The following TAC1 variants were observed in gnomAD, a reference collection of about 807,000 sequenced individuals.
The protein encoded by TAC1 is protachykinin-1.
Under a neutral mutation model 21.7 loss-of-function variants are expected in TAC1, and 12 were observed. The ratio of observed to expected loss-of-function variants is 0.55; its 90% CI spans 0.35 to 0.89. The LOEUF (loss-of-function observed/expected upper bound fraction) is 0.89. Among genes scored for constraint, TAC1 ranks in the 40% least tolerant of loss-of-function variants. The pLI, the probability that TAC1 is intolerant of heterozygous loss-of-function variation, is 0.01. For missense variants in TAC1, 128 were observed against 151.4 expected (o/e 0.85, Z 0.81); for synonymous variants, 52 against 52.0 (o/e 1.00, Z 0.00).
In TAC1 at chr7:97,732,590, C is replaced by T. The variant is rs373923390; in HGVS notation, c.-9-14C>T. On this transcript the variant is annotated splice_polypyrimidine_tract_variant and intron_variant, in intron 1 of 6. Transcript: ENST00000319273. The surrounding 1 kb of genome is among the most constrained non-coding windows in gnomAD (Gnocchi z 6.2). ...TTTCTCTCTTTGGTGTCTTCTCCTCCTACCCCTTCCCAGAAATCCAACATG... is the reference window on the plus strand; with the variant it reads ...TTTCTCTCTTTGGTGTCTTCTCCTCTTACCCCTTCCCAGAAATCCAACATG... 1.9e-6 allele frequency: 3 copies of T among 1,614,016 alleles called. No homozygotes were observed. Among genetic ancestry groups the T allele is most frequent in the African/African-American group, 2.7e-5 (2 of 75,056 alleles).
chr7:97,733,993 G>C (rs925190295), intron 3 of TAC1, 174 bp downstream of exon 3: 49 of 716,130 alleles, frequency 6.8e-5, no homozygotes, highest in African/African-American at 3.6e-4. Flanking sequence ...GGGCCCGCGG[G>C]GGGAGGGAAA....
At position 97,734,240 on chromosome 7, in the gene TAC1, C is replaced by G; in HGVS notation, c.221-8C>G. 6.2e-7 allele frequency: 1 copy of G among 1,613,598 alleles called. No homozygotes were observed. Among genetic ancestry groups the G allele is most frequent in the Non-Finnish European group, 8.5e-7 (1 of 1,179,564 alleles). ...ACATGTAGTTAATGACAATTCGTCT[C>G]TTGTCAGATTCCTCAATTGAAAAAC... On this transcript the variant is annotated splice_polypyrimidine_tract_variant and splice_region_variant and intron_variant, in intron 3 of 6. Transcript: ENST00000319273.
Position 97,732,229 on chromosome 7 carries a change from C to G in TAC1, c.-10+34C>G. 6.1e-6 allele frequency: 1 copy of G among 162,780 alleles called. No homozygotes were observed. The highest frequency in any genetic ancestry group is 1.3e-5 in the Non-Finnish European group (1 of 74,632). 10.1% of individuals were successfully genotyped at this position (162,780 alleles called of 1,614,324 possible). A position where few individuals can be genotyped will look rare whatever the true frequency, so the allele number is the denominator to read the frequency against. ...CCGCGCGGTGCTGGCCGCGGCTGCC[C>G]GGGTCACCCCGCCCCGCATCTGTCC... On this transcript the variant is annotated intron_variant, in intron 1 of 6. Coordinates refer to ENST00000319273, the MANE Select transcript of TAC1 (RefSeq NM_003182.3). This position sits in a 1 kb window ranked among gnomAD's most constrained non-coding sequence, Gnocchi z 6.2.
chr7:97,738,671 T>G (rs1431243226), intron 6 of TAC1, among the ~76,000 whole-genome samples: 1 of 152,000 alleles, frequency 6.6e-6, no homozygotes, highest in African/African-American at 2.4e-5. Flanking sequence ...AGCTGGGTGT[T>G]TAAGACCAGT....
chr7:97,734,318 T>C, intron 4 of TAC1, 26 bp downstream of exon 4: 1 of 1,598,908 alleles, frequency 6.3e-7, no homozygotes, highest in Non-Finnish European at 8.6e-7. Context: ...AATCTTTATT[T>C]TACTATTGTG....
At chr7:97,734,017 T>A (rs1243555376) in intron 3 of TAC1, 198 bp downstream of exon 3, 3 of 684,496 alleles carry the variant, frequency 4.4e-6, no homozygotes, top group Non-Finnish European at 2.5e-6. Flanking sequence ...CTGGTTCGCA[T>A]GCCTCACTGT....
chr7:97,733,899 C>G (rs1045745840), intron 3 of TAC1, 80 bp downstream of exon 3: 2 of 1,369,616 alleles, frequency 1.5e-6, no homozygotes, highest in Non-Finnish European at 2.1e-6. Context: ...CCCAGGGTCT[C>G]TCGCTCTGAA....
intron 4 of TAC1, 43 bp downstream of exon 4, chr7:97,734,335 C>A: frequency 6.5e-7 from 1 of 1,548,826 alleles, no homozygotes; most frequent in Non-Finnish European, 8.9e-7. Context: ...TGTGAAAGCA[C>A]ATGTAGGAAA....
intron 5 of TAC1, among the ~76,000 whole-genome samples, chr7:97,735,878 G>A (rs1246869476): frequency 6.6e-6 from 1 of 151,998 alleles, no homozygotes; most frequent in African/African-American, 2.4e-5. Context: ...TCAAGGAAAG[G>A]AATCTGGTTT....
intron 3 of TAC1, 52 bp from the exon 4 acceptor site, chr7:97,734,196 T>G: frequency 1.3e-6 from 2 of 1,553,174 alleles, no homozygotes; most frequent in Non-Finnish European, 1.8e-6. Flanking sequence ...TTCCTTGAAT[T>G]CATCGCACGG....
chr7:97,733,578 G>C (rs919926631), intron 2 of TAC1, 145 bp from the exon 3 acceptor site: 4 of 678,494 alleles, frequency 5.9e-6, no homozygotes, highest in Admixed American at 5.9e-5. Flanking sequence ...GCAGCGCCTC[G>C]GGAGGGACCC....
In TAC1 at chr7:97,732,540, A is replaced by G. The variant is rs1458897826; in HGVS notation, c.-9-64A>G. On this transcript the variant is annotated intron_variant, in intron 1 of 6. Coordinates refer to ENST00000319273, the MANE Select transcript of TAC1 (RefSeq NM_003182.3). The surrounding 1 kb of genome is among the most constrained non-coding windows in gnomAD (Gnocchi z 6.2). ...AAAATTCTGTTGCTTTAACTCTTGG[A>G]TAACCACCCCTAATAGATACATTAT... 1 of 1,583,172 alleles carries G rather than the reference A, an allele frequency of 6.3e-7. No homozygotes were observed. The highest frequency in any genetic ancestry group is 1.4e-5 in the African/African-American group (1 of 73,908).
At chr7:97,739,090 T>C (rs954140349) in intron 6 of TAC1, among the ~76,000 whole-genome samples, 1 of 150,730 alleles carries the variant, frequency 6.6e-6, no homozygotes, top group African/African-American at 2.4e-5. Context: ...TAAATACCTT[T>C]GGAAGCAATA....
At chr7:97,733,023 G>C in intron 2 of TAC1, 1 of 330,578 alleles carries the variant, frequency 3.0e-6, no homozygotes, top group East Asian at 5.5e-5. Flanking sequence ...GGGAAATCTC[G>C]TAAGATTTCA....
intron 4 of TAC1, 72 bp downstream of exon 4, chr7:97,734,364 T>C: frequency 7.4e-7 from 1 of 1,353,828 alleles, no homozygotes; most frequent in Non-Finnish European, 1.0e-6. Flanking sequence ...AAATCTTTTA[T>C]GGGCTGAAAT....
intron 6 of TAC1, among the ~76,000 whole-genome samples, chr7:97,738,056 G>C (rs1160445492): frequency 6.6e-6 from 1 of 151,950 alleles, no homozygotes; most frequent in Non-Finnish European, 1.5e-5. Context: ...AAAAATCACT[G>C]TAGTGAATCA....
intron 5 of TAC1, among the ~76,000 whole-genome samples, chr7:97,735,060 AG>A (rs1322165580): frequency 6.6e-6 from 1 of 152,228 alleles, no homozygotes; most frequent in African/African-American, 2.4e-5. Flanking sequence ...ATATTAAAAA[AG>A]AAAAAAATGT....
chr7:97,735,061 G>GA (rs139741258), intron 5 of TAC1, among the ~76,000 whole-genome samples: 3 of 151,780 alleles, frequency 2.0e-5, no homozygotes, highest in East Asian at 1.9e-4. Context: ...TATTAAAAAA[G>GA]AAAAAAATGT....
chr7:97,732,981 CCTCCCGG>C lies in TAC1; in HGVS notation c.123+247_123+253del. The stretch of plus-strand genomic sequence containing the variant: ...CAGGAACTCCCTGCAGTAGGGATGC[CCTCCCGG>C]ATGAGCCCGAGATCCTCACAAGGCG... On this transcript the variant is annotated intron_variant, in intron 2 of 6. Coordinates refer to ENST00000319273, the MANE Select transcript of TAC1 (RefSeq NM_003182.3). The surrounding 1 kb of genome is among the most constrained non-coding windows in gnomAD (Gnocchi z 6.2). The C allele has an allele frequency of 2.5e-6, 1 of 398,294 alleles. No individual in the cohort carries two copies. Among genetic ancestry groups the C allele is most frequent in the Non-Finnish European group, 4.5e-6 (1 of 222,974 alleles). The allele number at this position is 398,294 out of a possible 1,614,324, so 24.7% of individuals were successfully genotyped here. A position where few individuals can be genotyped will look rare whatever the true frequency, so the allele number is the denominator to read the frequency against.
Sources: gnomAD v4.1 joint callset for allele counts (sites outside exome capture counted in the v4.1 genomes callset) on GRCh38, gnomAD v4.1.1 for gene constraint, Gnocchi (gnomAD v3.1) non-coding constraint, MANE v1.5 for transcripts, NCBI Gene and HGNC (gene_info 2026-07-23, HGNC 2026-07-21) for gene names.